Variants in NEGR1 observed in about 807,000 individuals in gnomAD.
The protein encoded by NEGR1 is neuronal growth regulator 1.
NEGR1 carries 10 observed loss-of-function variants against 40.9 expected under a neutral mutation model. That is an observed-to-expected ratio of 0.24 (90% confidence interval 0.15 to 0.42). The LOEUF is 0.42. Among genes scored for constraint, NEGR1 ranks in the 10% least tolerant of loss-of-function variants. The probability of loss-of-function intolerance (pLI) is 1.00; values close to 1 mark genes in which losing one functional copy is unlikely to be tolerated. For synonymous variants in NEGR1, 185 were observed against 166.8 expected (o/e 1.11, Z -0.84); for missense variants, 352 against 438.9 (o/e 0.80, Z 1.77).
At chr1:71,671,420 A>G (rs1170213775) in intron 4 of NEGR1, among the ~76,000 whole-genome samples, 2 of 152,212 alleles carry the variant, frequency 1.3e-5, no homozygotes, top group East Asian at 1.9e-4. Flanking sequence ...ACTTTTAATA[A>G]TGCACTGAAA....
chr1:72,030,485 T>G (rs150269862), intron 1 of NEGR1, among the ~76,000 whole-genome samples: 1 of 152,182 alleles, frequency 6.6e-6, no homozygotes, highest in Non-Finnish European at 1.5e-5. Flanking sequence ...GTACCTGGTA[T>G]GTAAGAGCCT....
At position 72,009,386 on chromosome 1, in the gene NEGR1, G is replaced by A. The variant is rs114419900; in HGVS notation, c.177-74075C>T. Among the ~76,000 whole-genome samples the A allele has an allele frequency of 3.5e-3, 532 of 152,102 alleles. 6 individuals carry two copies. Among genetic ancestry groups the A allele is most frequent in the African/African-American group, 0.012 (492 of 41,500 alleles). ...TGAGGGTTAACATATGGAAACTTACGCAATATTCTAATTTTGATTTCATTT... is the reference window on the plus strand; with the variant it reads ...TGAGGGTTAACATATGGAAACTTACACAATATTCTAATTTTGATTTCATTT... On this transcript the variant is annotated intron_variant, in intron 1 of 6. Transcript: ENST00000357731.
chr1:71,556,654 TACAC>T (rs1648262759), intron 6 of NEGR1, among the ~76,000 whole-genome samples: 1 of 144,772 alleles, frequency 6.9e-6, no homozygotes, highest in Non-Finnish European at 1.5e-5. Context: ...CACACACACA[TACAC>T]ACACACAAGT....
intron 2 of NEGR1, among the ~76,000 whole-genome samples, chr1:71,805,121 T>C (rs557181840): frequency 6.6e-6 from 1 of 152,274 alleles, no homozygotes; most frequent in East Asian, 1.9e-4. Context: ...TCCCGCATAA[T>C]AAATTTTGGT....
intron 1 of NEGR1, among the ~76,000 whole-genome samples, chr1:72,115,704 G>A (rs567589739): frequency 6.6e-6 from 1 of 151,694 alleles, no homozygotes; most frequent in East Asian, 2.0e-4. Flanking sequence ...GTGGGTATAC[G>A]GGAAGTACCC....
At chr1:72,245,697 G>C (rs539726387) in intron 1 of NEGR1, among the ~76,000 whole-genome samples, 49 of 152,208 alleles carry the variant, frequency 3.2e-4, no homozygotes, top group African/African-American at 1.1e-3. Flanking sequence ...GTATTTAAAT[G>C]AGAGAAACAT....
chr1:72,063,370 A>C (rs973090745), intron 1 of NEGR1, among the ~76,000 whole-genome samples: 1 of 151,892 alleles, frequency 6.6e-6, no homozygotes, highest in Admixed American at 6.6e-5. Flanking sequence ...AATGGCAAAA[A>C]CCACAATTAC....
intron 6 of NEGR1, among the ~76,000 whole-genome samples, chr1:71,557,769 T>C (rs555975471): frequency 1.3e-5 from 2 of 151,742 alleles, no homozygotes; most frequent in East Asian, 1.9e-4. Flanking sequence ...ATAGGCACAA[T>C]GTCATTAACC....
At chr1:71,908,684 C>T (rs1394434747) in intron 2 of NEGR1, among the ~76,000 whole-genome samples, 1 of 152,114 alleles carries the variant, frequency 6.6e-6, no homozygotes, top group Admixed American at 6.6e-5. Context: ...TTGTCCTTAC[C>T]TGTAAACTTA....
At chr1:72,168,121 C>A (rs1051058901) in intron 1 of NEGR1, among the ~76,000 whole-genome samples, 1 of 151,590 alleles carries the variant, frequency 6.6e-6, no homozygotes, top group Non-Finnish European at 1.5e-5. Flanking sequence ...TCAAGTGATT[C>A]TCCTGTCTCA....
At chr1:72,108,520 CTCA>C (rs1394923731) in intron 1 of NEGR1, among the ~76,000 whole-genome samples, 1 of 151,348 alleles carries the variant, frequency 6.6e-6, no homozygotes, top group African/African-American at 2.4e-5. Flanking sequence ...ATCAAAATGA[CTCA>C]TCATAATTCA....
intron 1 of NEGR1, among the ~76,000 whole-genome samples, chr1:72,081,163 T>A (rs1412619340): frequency 1.3e-5 from 2 of 152,090 alleles, no homozygotes; most frequent in Admixed American, 1.3e-4. Context: ...TAGGAGATAC[T>A]AGGAAATAAC....
At chr1:71,879,023 C>T (rs1048670592) in intron 2 of NEGR1, among the ~76,000 whole-genome samples, 5 of 151,800 alleles carry the variant, frequency 3.3e-5, no homozygotes, top group Non-Finnish European at 7.4e-5. Context: ...ATCTCAGCTA[C>T]TCAGAAGGCT....
chr1:71,793,649 A>G (rs905757320), intron 2 of NEGR1, among the ~76,000 whole-genome samples: 10 of 152,176 alleles, frequency 6.6e-5, no homozygotes, highest in Non-Finnish European at 1.3e-4. Context: ...TTATAAACAC[A>G]GAAAATTTTT....
rs187727752 is a variant in NEGR1, at chr1:71,556,586, G to A, written c.940+36231C>T. On this transcript the variant is annotated intron_variant, in intron 6 of 6. Coordinates refer to ENST00000357731, the MANE Select transcript of NEGR1 (RefSeq NM_173808.3). Reference sequence around the variant, plus strand: ...CAAAGTGCAATAATTTGTTATTCATGCTGGCGACAATGTTTTCAAATGGGT... The same window carrying A: ...CAAAGTGCAATAATTTGTTATTCATACTGGCGACAATGTTTTCAAATGGGT... 2.7e-3 allele frequency among the ~76,000 whole-genome samples: 409 copies of A among 151,200 alleles called. 3 individuals carry two copies. The highest frequency in any genetic ancestry group is 2.2e-3 in the Non-Finnish European group (147 of 67,568).
At chr1:71,649,368 A>C (rs1651634425) in intron 4 of NEGR1, among the ~76,000 whole-genome samples, 1 of 152,134 alleles carries the variant, frequency 6.6e-6, no homozygotes, top group South Asian at 2.1e-4. Context: ...TAAGGACATA[A>C]ACAAAGATGT....
chr1:71,741,788 A>G (rs1655221085), intron 3 of NEGR1, among the ~76,000 whole-genome samples: 1 of 152,150 alleles, frequency 6.6e-6, no homozygotes, highest in South Asian at 2.1e-4. Flanking sequence ...AGGCCTCAGG[A>G]AACTTAAATC....
At chr1:72,079,642 A>C (rs566118730) in intron 1 of NEGR1, among the ~76,000 whole-genome samples, 1 of 152,236 alleles carries the variant, frequency 6.6e-6, no homozygotes, top group East Asian at 1.9e-4. Flanking sequence ...TTTCTGAATT[A>C]TTTTTAAATG....
At chr1:71,872,434 A>G (rs921007992) in intron 2 of NEGR1, among the ~76,000 whole-genome samples, 7 of 152,126 alleles carry the variant, frequency 4.6e-5, no homozygotes, top group African/African-American at 9.6e-5. Flanking sequence ...GGGGCCCTGG[A>G]GGTATTATGG....
Sources: gnomAD v4.1 joint callset for allele counts (sites outside exome capture counted in the v4.1 genomes callset) on GRCh38, gnomAD v4.1.1 for gene constraint, MANE v1.5 for transcripts, NCBI Gene and HGNC (gene_info 2026-07-23, HGNC 2026-07-21) for gene names.